Variants in SPIRE2 observed in about 807,000 individuals in gnomAD.
SPIRE2 encodes the protein protein spire homolog 2.
SPIRE2 carries 76 observed loss-of-function variants against 80.7 expected under a neutral mutation model. That is an observed-to-expected ratio of 0.94 (90% CI 0.78 to 1.14). SPIRE2 has a LOEUF of 1.14. SPIRE2 is among the 50% of genes most tolerant of loss of function. The probability of loss-of-function intolerance (pLI) is 0.00; values close to 1 mark genes in which losing one functional copy is unlikely to be tolerated. For missense variants in SPIRE2, 1,196 were observed against 1,015.3 expected, an observed-to-expected ratio of 1.18 and a Z score of -2.42; for synonymous variants, 535 against 432.6, an observed-to-expected ratio of 1.24 and a Z score of -2.94.
Position 89,850,637 on chromosome 16 carries a change from GC to G in SPIRE2, c.624del (p.Arg209GlyfsTer49). On this transcript the variant is annotated frameshift_variant, in exon 3 of 15. Transcript: ENST00000378247. LOFTEE classifies it high-confidence loss of function. ...VETLELRAFL[A>X]RVREAKEMLQ... ...GACGCTGGAGCTGCGGGCCTTCCTG[GC>G]CAGGGTCCGGGAGGCCAAGGAGGTG... The G allele has an allele frequency of 6.7e-7, 1 of 1,494,090 alleles. No homozygotes were observed. Among genetic ancestry groups the G allele is most frequent in the Admixed American group, 2.1e-5 (1 of 46,798 alleles). The allele number at this position is 1,494,090 out of a possible 1,614,324, so 92.6% of individuals were successfully genotyped here. A position where few individuals can be genotyped will look rare whatever the true frequency, so the allele number is the denominator to read the frequency against.
Position 89,855,590 on chromosome 16 carries a change from C to A in SPIRE2, c.892-10C>A, listed in dbSNP as rs764346391. On this transcript the variant is annotated splice_polypyrimidine_tract_variant and intron_variant, in intron 5 of 14. Coordinates refer to ENST00000378247, the MANE Select transcript of SPIRE2 (RefSeq NM_032451.2). Reference sequence around the variant, plus strand: ...CCTGCAGGGCCTCAGATCAGCCGTCCTCCCCGCAGGTGGATGGGGACATCC... The same window carrying A: ...CCTGCAGGGCCTCAGATCAGCCGTCATCCCCGCAGGTGGATGGGGACATCC... 2 of 1,611,510 alleles carry A rather than the reference C, an allele frequency of 1.2e-6. No homozygotes were observed. The highest frequency in any genetic ancestry group is 1.7e-6 in the Non-Finnish European group (2 of 1,179,182).
Position 89,828,572 on chromosome 16 carries a change from G to C in SPIRE2, c.22G>C (p.Gly8Arg). 2 of 1,156,688 alleles carry C rather than the reference G, an allele frequency of 1.7e-6. No individual in the cohort carries two copies. The highest frequency in any genetic ancestry group is 2.1e-6 in the Non-Finnish European group (2 of 942,746). The allele number at this position is 1,156,688 out of a possible 1,614,324, so 71.7% of individuals were successfully genotyped here. A position where few individuals can be genotyped will look rare whatever the true frequency, so the allele number is the denominator to read the frequency against. The part of the protein sequence containing the change: MARAGSC[G>R]GAAAGAGRPE... ...CGCCATGGCCCGGGCGGGCAGCTGC[G>C]GCGGCGCCGCGGCGGGCGCAGGGCG... The change falls in exon 1 of 15, where the codon GGC (glycine) becomes CGC (arginine). Residue 8 changes from glycine to arginine, a missense_variant. Gly to Arg is a moderately radical substitution (Grantham distance 125, BLOSUM62 -2). Transcript: ENST00000378247. This position sits in a 1 kb window ranked among gnomAD's most constrained non-coding sequence, Gnocchi z 5.9.
At chr16:89,853,328 C>T (rs890247285) in intron 3 of SPIRE2, among the ~76,000 whole-genome samples, 4 of 151,980 alleles carry the variant, frequency 2.6e-5, no homozygotes, top group East Asian at 1.9e-4. Flanking sequence ...TAGGAGGAAA[C>T]GGCTCTGTAT....
intron 10 of SPIRE2, chr16:89,862,872 AC>A: frequency 6.5e-6 from 1 of 154,748 alleles, no homozygotes; most frequent in South Asian, 2.0e-4. Flanking sequence ...AAGGGCTTTA[AC>A]TGAATCATCT....
intron 1 of SPIRE2, among the ~76,000 whole-genome samples, chr16:89,843,685 GTTTTTGTTTTTTGTTTTTTTT>G (rs1567671369): frequency 8.0e-4 from 17 of 21,306 alleles, no homozygotes; most frequent in African/African-American, 1.0e-3. Context: ...TTTTTTGTTT[GTTTTTGTTTTTTGTTTTTTTT>G]TTTTTTTTTT....
In SPIRE2 at chr16:89,860,787, C is replaced by T. The variant is rs145224537; in HGVS notation, c.1567C>T (p.Leu523=). 4 of 1,512,556 alleles carry T rather than the reference C, an allele frequency of 2.6e-6. No homozygotes were observed. The South Asian group carries it at 5.1e-5, about 19-fold the overall frequency. 93.7% of individuals were successfully genotyped at this position (1,512,556 alleles called of 1,614,324 possible). Residue 523 remains leucine (L), a synonymous_variant, in exon 10 of 15, where the codon CTG becomes TTG. Coordinates refer to ENST00000378247, the MANE Select transcript of SPIRE2 (RefSeq NM_032451.2). ...CTCCATGACCCCCGATGCCAAACAC[C>T]TGTGGCTGGTGAGTGAGGGTGCGAT... ...EASMTPDAKH[L]WLEFSHPVES...
intron 7 of SPIRE2, among the ~76,000 whole-genome samples, chr16:89,858,049 AT>A (rs1313725666): frequency 2.7e-5 from 4 of 150,412 alleles, no homozygotes; most frequent in Admixed American, 6.6e-5. Flanking sequence ...CGCCTGGCTA[AT>A]TTTTTTTGTA....
rs956531971 is a variant in SPIRE2, at chr16:89,853,446, G to A, written c.646-840G>A. On this transcript the variant is annotated intron_variant, in intron 3 of 14. Coordinates refer to ENST00000378247, the MANE Select transcript of SPIRE2 (RefSeq NM_032451.2). ...GTCTGTTGGCATTTTGGCCAGGAGC[G>A]GCCTGCTCAGGAACAGGTACAGGTG... is the stretch of plus-strand genomic sequence containing the variant. 1.8e-4 allele frequency among the ~76,000 whole-genome samples: 27 copies of A among 152,296 alleles called. 1 individual carries two copies. Among genetic ancestry groups the A allele is most frequent in the Admixed American group, 1.4e-3 (22 of 15,306 alleles).
intron 1 of SPIRE2, among the ~76,000 whole-genome samples, chr16:89,831,648 C>T (rs1408054478): frequency 1.3e-5 from 2 of 151,096 alleles, no homozygotes; most frequent in Non-Finnish European, 3.0e-5. Flanking sequence ...CCGCCCACCT[C>T]GGCCTCCCAA....
chr16:89,833,417 C>A (rs1185079080), intron 1 of SPIRE2, among the ~76,000 whole-genome samples: 1 of 152,250 alleles, frequency 6.6e-6, no homozygotes, highest in Non-Finnish European at 1.5e-5. Flanking sequence ...AGCCACCGCA[C>A]CCGCCTGGCC....
Position 89,828,737 on chromosome 16 carries a change from G to T in SPIRE2, c.187G>T (p.Gly63Trp). 8.1e-7 allele frequency: 1 copy of T among 1,233,634 alleles called. No homozygotes were observed. Among genetic ancestry groups the T allele is most frequent in the Non-Finnish European group, 1.0e-6 (1 of 985,590 alleles). 76.4% of individuals were successfully genotyped at this position (1,233,634 alleles called of 1,614,324 possible). A position where few individuals can be genotyped will look rare whatever the true frequency, so the allele number is the denominator to read the frequency against. ...GCCGGGCCGGCGCCTGCGGGATACC[G>T]GGGACCTCCTGCTGCGCGGGGACGG... ...GSPGRRLRDT[G>W]DLLLRGDGSV... Residue 63 changes from glycine to tryptophan, a missense_variant, in exon 1 of 15, where the codon GGG becomes TGG. By Grantham distance (184) the Gly-to-Trp change is radical. Transcript: ENST00000378247. This position sits in a 1 kb window ranked among gnomAD's most constrained non-coding sequence, Gnocchi z 5.9.
At chr16:89,840,780 T>G (rs752024724) in intron 1 of SPIRE2, among the ~76,000 whole-genome samples, 1 of 148,916 alleles carries the variant, frequency 6.7e-6, no homozygotes, top group Non-Finnish European at 1.5e-5. Flanking sequence ...GGACTACAGG[T>G]GCCCGCCACC....
chr16:89,839,652 A>G (rs577230255), intron 1 of SPIRE2, among the ~76,000 whole-genome samples: 6 of 152,344 alleles, frequency 3.9e-5, no homozygotes, highest in African/African-American at 1.4e-4. Context: ...ACTCACAGTC[A>G]GCGTTTAAGC....
At chr16:89,840,707 C>A (rs2041498396) in intron 1 of SPIRE2, among the ~76,000 whole-genome samples, 1 of 146,352 alleles carries the variant, frequency 6.8e-6, no homozygotes, top group Non-Finnish European at 1.5e-5. Context: ...GCAATCTCGG[C>A]TCACTGCAAA....
chr16:89,842,987 A>G (rs2041518597), intron 1 of SPIRE2, among the ~76,000 whole-genome samples: 1 of 152,234 alleles, frequency 6.6e-6, no homozygotes, highest in African/African-American at 2.4e-5. Context: ...AGGTCCACTG[A>G]GCAGATGATT....
chr16:89,850,844 G>A (rs1158135735), intron 3 of SPIRE2, among the ~76,000 whole-genome samples, 184 bp downstream of exon 3: 1 of 151,686 alleles, frequency 6.6e-6, no homozygotes, highest in African/African-American at 2.4e-5. Context: ...TGTTGTTGTT[G>A]TTGTTTTTTT....
rs1567676834 is a variant in SPIRE2, at chr16:89,858,494, T to C, written c.1259T>C (p.Met420Thr). 3 of 1,598,940 alleles carry C rather than the reference T, an allele frequency of 1.9e-6. No individual in the cohort carries two copies. The highest frequency in any genetic ancestry group is 3.5e-5 in the Admixed American group (2 of 57,632). Residue 420 changes from methionine to threonine, a missense_variant, in exon 8 of 15, where the codon ATG becomes ACG. By Grantham distance (81) the Met-to-Thr change is moderately conservative. Coordinates refer to ENST00000378247, the MANE Select transcript of SPIRE2 (RefSeq NM_032451.2). ...CCTACCTTGGCTGAAATGGAAGAGA[T>C]GAATACATCTGAGGTCAGAACCCAT... Reference protein sequence around the residue: ...KAPTLAEMEEMNTSEEEESPC... With the variant: ...KAPTLAEMEETNTSEEEESPC...
chr16:89,846,793 G>A (rs1043081536), intron 2 of SPIRE2: 14 of 142,764 alleles, frequency 9.8e-5, no homozygotes, highest in African/African-American at 3.4e-4. Context: ...TTACAGGTGT[G>A]AGCCATCACG....
At chr16:89,836,119 G>C in intron 1 of SPIRE2, 1 of 444,848 alleles carries the variant, frequency 2.2e-6, no homozygotes, top group South Asian at 1.6e-5. Flanking sequence ...AGGTTGTAGT[G>C]AGTCGAGATT....
Sources: allele counts gnomAD v4.1 joint callset (sites outside exome capture counted in the v4.1 genomes callset), GRCh38; gene constraint gnomAD v4.1.1; non-coding constraint Gnocchi (gnomAD v3.1); transcripts MANE v1.5; gene names NCBI Gene and HGNC (gene_info 2026-07-23, HGNC 2026-07-21).